NLGN1: variants seen among roughly 807,000 people sequenced by gnomAD.
NLGN1 encodes the protein neuroligin 1, also known as neuroligin-1.
In NLGN1, 12 loss-of-function variants were observed where a neutral mutation model predicts 65.5. The observed-to-expected ratio is 0.18, with a 90% CI of 0.12 to 0.30. The LOEUF is 0.30. Ranked by LOEUF, NLGN1 falls within the 10% of genes least tolerant of loss-of-function variation. The pLI, the probability that NLGN1 is intolerant of heterozygous loss-of-function variation, is 1.00. For synonymous variants in NLGN1, 350 were observed against 359.5 expected, an observed-to-expected ratio of 0.97 and a Z score of 0.30; for missense variants, 750 against 1,007.1, an observed-to-expected ratio of 0.74 and a Z score of 3.46.
At chr3:173,791,980 A>G (rs747033906) in intron 3 of NLGN1, among the ~76,000 whole-genome samples, 1 of 152,190 alleles carries the variant, frequency 6.6e-6, no homozygotes, top group Non-Finnish European at 1.5e-5. Flanking sequence ...TATGTAGTAT[A>G]TGCTTAACAT....
At chr3:173,862,941 T>C (rs575094842) in intron 4 of NLGN1, among the ~76,000 whole-genome samples, 1 of 152,288 alleles carries the variant, frequency 6.6e-6, no homozygotes, top group South Asian at 2.1e-4. Context: ...TTATAAAATC[T>C]CTGCAAATAG....
In NLGN1 at chr3:174,261,156, T is replaced by G. The variant is rs199651747; in HGVS notation, c.647-14159T>G. Among the ~76,000 whole-genome samples the G allele has an allele frequency of 5.9e-3, 904 of 152,240 alleles. 23 individuals are homozygous for G. The highest frequency in any genetic ancestry group is 0.029 in the East Asian group (151 of 5,138). ...TTTGTTCTTTTGGCTTAGGATTGCC[T>G]TGGCGATGCAGGCTCTTTTTTGGTT... On this transcript the variant is annotated intron_variant, in intron 4 of 6. Transcript: ENST00000457714.
chr3:173,661,861 G>A (rs1219030471), intron 3 of NLGN1, among the ~76,000 whole-genome samples: 3 of 151,990 alleles, frequency 2.0e-5, no homozygotes, highest in African/African-American at 7.2e-5. Flanking sequence ...TTTATACCAT[G>A]AGCATGGTAA....
intron 4 of NLGN1, among the ~76,000 whole-genome samples, chr3:173,822,577 T>A (rs1442625508): frequency 6.6e-6 from 1 of 152,146 alleles, no homozygotes; most frequent in Non-Finnish European, 1.5e-5. Flanking sequence ...ATCCTTATTA[T>A]GTATATGCAA....
chr3:174,037,495 G>T (rs1002253765), intron 4 of NLGN1, among the ~76,000 whole-genome samples: 4 of 152,172 alleles, frequency 2.6e-5, no homozygotes, highest in Non-Finnish European at 4.4e-5. Context: ...GTCGATGAAA[G>T]CACTAGCAAT....
intron 3 of NLGN1, among the ~76,000 whole-genome samples, chr3:173,722,146 T>C (rs906190049): frequency 2.0e-5 from 3 of 152,056 alleles, no homozygotes; most frequent in African/African-American, 7.2e-5. Flanking sequence ...ACACAATGGG[T>C]TGATAGCCTT....
chr3:174,254,660 TA>T (rs1425883074), intron 4 of NLGN1, among the ~76,000 whole-genome samples: 1 of 152,116 alleles, frequency 6.6e-6, no homozygotes, highest in Non-Finnish European at 1.5e-5. Flanking sequence ...TCAGGAATGG[TA>T]GATACAATCT....
At chr3:173,555,849 A>T (rs952096402) in intron 2 of NLGN1, among the ~76,000 whole-genome samples, 2 of 152,162 alleles carry the variant, frequency 1.3e-5, no homozygotes, top group East Asian at 1.9e-4. Context: ...CTCTTATGTT[A>T]TCTGAAAAAA....
At chr3:173,537,122 G>A (rs76497152) in intron 2 of NLGN1, among the ~76,000 whole-genome samples, 182 of 152,164 alleles carry the variant, frequency 1.2e-3, no homozygotes, top group Non-Finnish European at 1.6e-3. Flanking sequence ...TGTTAATCTC[G>A]CCCAGAAACA....
At chr3:173,539,789 C>A (rs1366688211) in intron 2 of NLGN1, among the ~76,000 whole-genome samples, 1 of 96,808 alleles carries the variant, frequency 1.0e-5, no homozygotes, top group Non-Finnish European at 2.0e-5. Flanking sequence ...TATATATGTA[C>A]ATATATACAT....
chr3:173,532,772 A>C (rs979300848), intron 2 of NLGN1, among the ~76,000 whole-genome samples: 6 of 152,202 alleles, frequency 3.9e-5, no homozygotes, highest in Admixed American at 3.9e-4. Context: ...AGGTTATGCC[A>C]CAGTCATAAT....
chr3:173,406,738 C>T (rs1034781686), intron 1 of NLGN1, among the ~76,000 whole-genome samples: 1 of 151,826 alleles, frequency 6.6e-6, no homozygotes, highest in African/African-American at 2.4e-5. Context: ...TGCCACTGCT[C>T]TTAAGTGGTC....
chr3:174,260,927 T>A (rs1223428541), intron 4 of NLGN1, among the ~76,000 whole-genome samples: 2 of 148,778 alleles, frequency 1.3e-5, no homozygotes, highest in African/African-American at 2.5e-5. Context: ...CCCAGCACCA[T>A]TTATTAAACA....
chr3:173,685,675 A>G (rs1341986415), intron 3 of NLGN1: 2 of 985,260 alleles, frequency 2.0e-6, no homozygotes, highest in African/African-American at 1.7e-5. Context: ...TAGCTATGTC[A>G]TGTAAGGACT....
intron 4 of NLGN1, among the ~76,000 whole-genome samples, chr3:173,823,559 G>T (rs1326877868): frequency 6.6e-6 from 1 of 151,904 alleles, no homozygotes; most frequent in Non-Finnish European, 1.5e-5. Context: ...CAATACAGTT[G>T]TGCATAACAG....
intron 2 of NLGN1, among the ~76,000 whole-genome samples, chr3:173,494,471 G>A (rs1210440658): frequency 4.0e-5 from 6 of 151,138 alleles, no homozygotes; most frequent in Admixed American, 1.3e-4. Context: ...TTTATAAATA[G>A]CATCTCAAGT....
At chr3:173,794,452 C>T (rs1368045208) in intron 3 of NLGN1, among the ~76,000 whole-genome samples, 1 of 152,092 alleles carries the variant, frequency 6.6e-6, no homozygotes, top group African/African-American at 2.4e-5. Flanking sequence ...ATCCCAATCC[C>T]ATCTTCATTG....
exon 7 of NLGN1, chr3:174,281,598 C>A: frequency 3.4e-6 from 1 of 292,400 alleles, no homozygotes; most frequent in South Asian, 1.0e-4. Context: ...ATGTGGAACA[C>A]CAAACAGGAA....
chr3:173,432,006 T>A (rs899954815), intron 1 of NLGN1, among the ~76,000 whole-genome samples: 2 of 152,214 alleles, frequency 1.3e-5, no homozygotes, highest in Non-Finnish European at 2.9e-5. Context: ...TATTGAATTC[T>A]TTCACTTAGT....
Sources: allele counts gnomAD v4.1 joint callset (sites outside exome capture counted in the v4.1 genomes callset), GRCh38; gene constraint gnomAD v4.1.1; transcripts MANE v1.5; gene names NCBI Gene and HGNC (gene_info 2026-07-23, HGNC 2026-07-21).